ASB18: variants seen among roughly 807,000 people sequenced by gnomAD.
ASB18 encodes ankyrin repeat and SOCS box containing 18.
A neutral mutation model predicts 33.4 loss-of-function variants in ASB18; 33 were observed. That is an observed-to-expected ratio of 0.99 (90% CI 0.75 to 1.32). The LOEUF (loss-of-function observed/expected upper bound fraction) is 1.32. ASB18 is among the 40% of genes most tolerant of loss of function. ASB18 has a pLI of 0.00. For synonymous variants in ASB18, 295 were observed against 307.6 expected (o/e 0.96, Z 0.43); for missense variants, 694 against 655.5 (o/e 1.06, Z -0.64).
chr2:236,259,735 G>A lies in ASB18; in HGVS notation c.205+4406C>T. ...TCAGGTCCATCCTTGCAGGAGAGCA[G>A]GTGCCTTCACAAGGGCACAGGCCAG... On this transcript the variant is annotated intron_variant, in intron 1 of 5. Transcript: ENST00000409749. The surrounding 1 kb of genome is among the most constrained non-coding windows in gnomAD (Gnocchi z 4.4). 1 of 372,524 alleles carries A rather than the reference G, an allele frequency of 2.7e-6. No individual in the cohort carries two copies. The highest frequency in any genetic ancestry group is 5.5e-6 in the Non-Finnish European group (1 of 182,216). 23.1% of individuals were successfully genotyped at this position (372,524 alleles called of 1,614,324 possible). A position where few individuals can be genotyped will look rare whatever the true frequency, so the allele number is the denominator to read the frequency against.
rs1553600511 is a variant in ASB18 at position 236,217,424 on chromosome 2, A to AAAAAATAAAT, written c.597-2559_597-2558insATTTATTTTT. On this transcript the variant is annotated intron_variant, in intron 3 of 5. Transcript: ENST00000409749. The surrounding 1 kb of genome is among the most constrained non-coding windows in gnomAD (Gnocchi z 5.2). ...CGAGACTCTGTCTCAAAAAAAAAAA[A>AAAAAATAAAT]AAATAAATCTTGGCACCTTCAACTC... Among the ~76,000 whole-genome samples, 551 of 150,404 alleles carry AAAAAATAAAT rather than the reference A, an allele frequency of 3.7e-3. 3 individuals carry two copies. Among genetic ancestry groups the AAAAAATAAAT allele is most frequent in the African/African-American group, 0.013 (518 of 40,514 alleles).
At position 236,251,939 on chromosome 2, in the gene ASB18, A is replaced by G. The variant is rs2060670438; in HGVS notation, c.206-10537T>C. Among the ~76,000 whole-genome samples, 1 of 152,180 alleles carries G rather than the reference A, an allele frequency of 6.6e-6. No homozygotes were observed. Among genetic ancestry groups the G allele is most frequent in the African/African-American group, 2.4e-5 (1 of 41,442 alleles). Reference sequence around the variant, plus strand: ...TGTTCTATACTGAGTTTACATGTACAGAGCATTTTTCAGGTACAAGAAGCT... The same window carrying G: ...TGTTCTATACTGAGTTTACATGTACGGAGCATTTTTCAGGTACAAGAAGCT... On this transcript the variant is annotated intron_variant, in intron 1 of 5. Transcript: ENST00000409749. This position sits in a 1 kb window ranked among gnomAD's most constrained non-coding sequence, Gnocchi z 5.3.
intron 3 of ASB18, among the ~76,000 whole-genome samples, chr2:236,218,933 G>A (rs548509254): frequency 1.1e-4 from 17 of 151,966 alleles, no homozygotes; most frequent in African/African-American, 3.4e-4. Context: ...GCAGTGGCGT[G>A]ATCATGGCTC....
Position 236,194,868 on chromosome 2 carries a change from C to T in ASB18, c.*4G>A, listed in dbSNP as rs531548319. On this transcript the variant is annotated 3_prime_UTR_variant, in exon 6 of 6. Coordinates refer to ENST00000409749, the MANE Select transcript of ASB18 (RefSeq NM_212556.4). The surrounding 1 kb of genome is among the most constrained non-coding windows in gnomAD (Gnocchi z 4.5). ...CAACAGTATTGGTTGCAGCGTTCTG[C>T]GTTTCAGTGCAAAACACCCTGTGGC... 40 of 1,611,186 alleles carry T rather than the reference C, an allele frequency of 2.5e-5. 1 individual carries two copies. The highest frequency in any genetic ancestry group is 3.3e-4 in the Middle Eastern group (2 of 6,052).
Position 236,196,039 on chromosome 2 carries a change from G to A in ASB18, c.1215+233C>T, listed in dbSNP as rs1444728645. ...CCTCGCGCTTTTCAGGCCAGCACGG[G>A]GCTCTGAGCTCCTTGAGGCCATGGC... On this transcript the variant is annotated intron_variant, in intron 5 of 5. Coordinates refer to ENST00000409749, the MANE Select transcript of ASB18 (RefSeq NM_212556.4). This position sits in a 1 kb window ranked among gnomAD's most constrained non-coding sequence, Gnocchi z 5.6. The A allele has an allele frequency of 9.1e-6, 5 of 546,758 alleles. No homozygotes were observed. Among genetic ancestry groups the A allele is most frequent in the East Asian group, 3.4e-5 (1 of 29,300 alleles). 33.9% of individuals were successfully genotyped at this position (546,758 alleles called of 1,614,324 possible).
rs866898276 is a variant in ASB18, at chr2:236,214,362, C to T, written c.1101G>A (p.Lys367=). The change falls in exon 4 of 6, where the codon AAG becomes AAA. Residue 367 remains lysine, a splice_region_variant and synonymous_variant. Coordinates refer to ENST00000409749, the MANE Select transcript of ASB18 (RefSeq NM_212556.4). The surrounding 1 kb of genome is among the most constrained non-coding windows in gnomAD (Gnocchi z 6.5). The part of the protein sequence containing the change: ...SPTVWPDAFP[K]VLKTCASVPA... Reference sequence around the variant, plus strand: ...CCAGCCGGGCTGGATCCTGCCTTACCTTGGGGAAGGCGTCGGGCCACACGG... The same window carrying T: ...CCAGCCGGGCTGGATCCTGCCTTACTTTGGGGAAGGCGTCGGGCCACACGG... 1 of 1,573,836 alleles carries T rather than the reference C, an allele frequency of 6.4e-7. No homozygotes were observed. Among genetic ancestry groups the T allele is most frequent in the Non-Finnish European group, 8.6e-7 (1 of 1,163,798 alleles).
chr2:236,261,471 C>A (rs558070249), intron 1 of ASB18, among the ~76,000 whole-genome samples: 3 of 152,322 alleles, frequency 2.0e-5, no homozygotes, highest in African/African-American at 4.8e-5. Context: ...TTGCTCCCTG[C>A]ACCCTTGTCC....
rs188727859 is a variant in ASB18, at chr2:236,198,607, C to T, written c.1102-2222G>A. ...GGTCTTGAACTCCTGACCTCATGATCCGCCCACCTCAGCCTCCCAAAGTGC... is the reference window on the plus strand; with the variant it reads ...GGTCTTGAACTCCTGACCTCATGATTCGCCCACCTCAGCCTCCCAAAGTGC... On this transcript the variant is annotated intron_variant, in intron 4 of 5. Coordinates refer to ENST00000409749, the MANE Select transcript of ASB18 (RefSeq NM_212556.4). 1.2e-3 allele frequency among the ~76,000 whole-genome samples: 188 copies of T among 152,280 alleles called. 1 individual carries two copies. The highest frequency in any genetic ancestry group is 4.3e-3 in the African/African-American group (179 of 41,554).
rs918690741 is a variant in ASB18 at position 236,223,027 on chromosome 2, A to C, written c.597-8161T>G. On this transcript the variant is annotated intron_variant, in intron 3 of 5. Coordinates refer to ENST00000409749, the MANE Select transcript of ASB18 (RefSeq NM_212556.4). This position sits in a 1 kb window ranked among gnomAD's most constrained non-coding sequence, Gnocchi z 4.6. ...AGAGCGAGACTCCGTCTCCAAAAAA[A>C]GGTGTGTGACACCCCCCATCCCTGT... Among the ~76,000 whole-genome samples the C allele has an allele frequency of 6.6e-6, 1 of 152,116 alleles. No homozygotes were observed. The highest frequency in any genetic ancestry group is 2.4e-5 in the African/African-American group (1 of 41,424).
intron 3 of ASB18, among the ~76,000 whole-genome samples, chr2:236,224,144 T>C (rs552071323): frequency 6.6e-6 from 1 of 151,288 alleles, no homozygotes; most frequent in South Asian, 2.1e-4. Flanking sequence ...GTATGAAAGT[T>C]CTAGTTGCTC....
At chr2:236,210,755 C>T (rs995585253) in intron 4 of ASB18, among the ~76,000 whole-genome samples, 5 of 152,160 alleles carry the variant, frequency 3.3e-5, no homozygotes, top group African/African-American at 1.2e-4. Context: ...TAAAGCTGGC[C>T]ATGTAAACTG....
rs974784444 is a variant in ASB18 at position 236,249,472 on chromosome 2, G to A, written c.206-8070C>T. ...TTTCCATTCTCTCTGGTACAGCCAT[G>A]GAAATCCTCCCCCTTTTTTCTTCAG... On this transcript the variant is annotated intron_variant, in intron 1 of 5. Transcript: ENST00000409749. The surrounding 1 kb of genome is among the most constrained non-coding windows in gnomAD (Gnocchi z 4.6). 2.0e-5 allele frequency: 3 copies of A among 152,186 alleles called. No individual in the cohort carries two copies. Among genetic ancestry groups the A allele is most frequent in the Non-Finnish European group, 4.4e-5 (3 of 68,074 alleles). The allele number at this position is 152,186 out of a possible 1,614,324, so 9.4% of individuals were successfully genotyped here.
At position 236,261,705 on chromosome 2, in the gene ASB18, G is replaced by T. The variant is rs867923836; in HGVS notation, c.205+2436C>A. 7.9e-5 allele frequency among the ~76,000 whole-genome samples: 12 copies of T among 152,312 alleles called. 1 individual carries two copies. The South Asian group carries it at 2.1e-3, about 26-fold the overall frequency. The stretch of plus-strand genomic sequence containing the variant: ...AGTCTGTTTTCTTCCTGCTGATAAA[G>T]ACATACCAGAGACTGAGTAATTTAT... On this transcript the variant is annotated intron_variant, in intron 1 of 5. Coordinates refer to ENST00000409749, the MANE Select transcript of ASB18 (RefSeq NM_212556.4).
At chr2:236,202,061 C>G (rs2060405874) in intron 4 of ASB18, among the ~76,000 whole-genome samples, 2 of 151,860 alleles carry the variant, frequency 1.3e-5, no homozygotes, top group Admixed American at 1.3e-4. Context: ...GCAATTCTCC[C>G]GCCTCAGCCT....
chr2:236,199,865 G>C (rs2060391925), intron 4 of ASB18, among the ~76,000 whole-genome samples: 2 of 151,994 alleles, frequency 1.3e-5, no homozygotes, highest in African/African-American at 4.8e-5. Flanking sequence ...TCTTGCATTT[G>C]ACATTGTCTA....
Position 236,228,829 on chromosome 2 carries a change from C to T in ASB18, c.596+8860G>A, listed in dbSNP as rs1176532924. ...GATTAATAAAGCTTAAAGGCAAGAC[C>T]CAAAAGGATCAAACTATTTCCAAGT... On this transcript the variant is annotated intron_variant, in intron 3 of 5. Coordinates refer to ENST00000409749, the MANE Select transcript of ASB18 (RefSeq NM_212556.4). This position sits in a 1 kb window ranked among gnomAD's most constrained non-coding sequence, Gnocchi z 5.1. 6.6e-6 allele frequency among the ~76,000 whole-genome samples: 1 copy of T among 152,060 alleles called. No individual in the cohort carries two copies. Among genetic ancestry groups the T allele is most frequent in the African/African-American group, 2.4e-5 (1 of 41,382 alleles).
rs2060511349 is a variant in ASB18 at position 236,221,237 on chromosome 2, C to A, written c.597-6371G>T. ...TGACTGAGCAATGCAACAACAACAA[C>A]AACAACAACAAACAGCTGCTAAAAA... On this transcript the variant is annotated intron_variant, in intron 3 of 5. Coordinates refer to ENST00000409749, the MANE Select transcript of ASB18 (RefSeq NM_212556.4). The surrounding 1 kb of genome is among the most constrained non-coding windows in gnomAD (Gnocchi z 5.6). Among the ~76,000 whole-genome samples the A allele has an allele frequency of 6.7e-6, 1 of 148,162 alleles. No homozygotes were observed. Among genetic ancestry groups the A allele is most frequent in the Admixed American group, 6.6e-5 (1 of 15,240 alleles).
In ASB18 at chr2:236,250,366, TG is replaced by T. The variant is rs957413510; in HGVS notation, c.206-8965del. On this transcript the variant is annotated intron_variant, in intron 1 of 5. Coordinates refer to ENST00000409749, the MANE Select transcript of ASB18 (RefSeq NM_212556.4). This position sits in a 1 kb window ranked among gnomAD's most constrained non-coding sequence, Gnocchi z 4.1. ...ACACCCTGCCATTTTCTCTTGTTCT[TG>T]GGGAATGGCAAATGTTCAGATTCTT... is the stretch of plus-strand genomic sequence containing the variant. 2 of 152,226 alleles carry T rather than the reference TG, an allele frequency of 1.3e-5. No homozygotes were observed. The highest frequency in any genetic ancestry group is 4.8e-5 in the African/African-American group (2 of 41,450). 9.4% of individuals were successfully genotyped at this position (152,226 alleles called of 1,614,324 possible).
At chr2:236,199,597 C>T (rs1025372264) in intron 4 of ASB18, among the ~76,000 whole-genome samples, 3 of 151,016 alleles carry the variant, frequency 2.0e-5, no homozygotes, top group East Asian at 3.9e-4. Context: ...CAGGCTAGAT[C>T]TTCACCGTAT....
Sources: allele counts gnomAD v4.1 joint callset (sites outside exome capture counted in the v4.1 genomes callset), GRCh38; gene constraint gnomAD v4.1.1; non-coding constraint Gnocchi (gnomAD v3.1); transcripts MANE v1.5; gene names NCBI Gene and HGNC (gene_info 2026-07-23, HGNC 2026-07-21).